The following EMCN variants were observed in gnomAD, a reference collection of about 807,000 sequenced individuals.
EMCN encodes the protein endomucin.
A neutral mutation model predicts 38.4 loss-of-function variants in EMCN; 37 were observed. That is an observed-to-expected ratio of 0.96 (90% CI 0.74 to 1.27). The LOEUF (loss-of-function observed/expected upper bound fraction) is 1.27, where lower values mean the gene tolerates loss of function less well. Among genes scored for constraint, EMCN ranks in the 50% most tolerant of loss-of-function variants. The probability of loss-of-function intolerance (pLI) is 0.00; values close to 1 mark genes in which losing one functional copy is unlikely to be tolerated. For missense variants in EMCN, 318 were observed against 302.8 expected (o/e 1.05, Z -0.37); for synonymous variants, 95 against 100.8 (o/e 0.94, Z 0.35).
intron 8 of EMCN, among the ~76,000 whole-genome samples, chr4:100,417,924 G>C (rs113318463): frequency 3.3e-5 from 5 of 152,140 alleles, no homozygotes; most frequent in African/African-American, 9.7e-5. Flanking sequence ...TGCAGCTTCT[G>C]TTTCTTAGAT....
intron 1 of EMCN, among the ~76,000 whole-genome samples, chr4:100,508,248 CT>C (rs1371354517): frequency 6.6e-6 from 1 of 152,180 alleles, no homozygotes; most frequent in Non-Finnish European, 1.5e-5. Context: ...CCCCTGGTAA[CT>C]AACCCAAGTG....
intron 2 of EMCN, among the ~76,000 whole-genome samples, chr4:100,476,545 G>T (rs894448958): frequency 6.6e-6 from 1 of 152,080 alleles, no homozygotes; most frequent in Non-Finnish European, 1.5e-5. Context: ...TATTTTTAAA[G>T]ATATTATATT....
At chr4:100,486,213 A>C (rs1728937393) in intron 1 of EMCN, among the ~76,000 whole-genome samples, 1 of 152,190 alleles carries the variant, frequency 6.6e-6, no homozygotes, top group African/African-American at 2.4e-5. Flanking sequence ...ATCAGAAATT[A>C]TTTTCTTGGA....
chr4:100,461,558 CA>C (rs1728179974), intron 4 of EMCN, among the ~76,000 whole-genome samples: 1 of 151,974 alleles, frequency 6.6e-6, no homozygotes, highest in Non-Finnish European at 1.5e-5. Context: ...AAAGTCAGAG[CA>C]CTAGATTAAT....
chr4:100,440,289 A>G (rs1727473921), intron 5 of EMCN, among the ~76,000 whole-genome samples: 1 of 151,868 alleles, frequency 6.6e-6, no homozygotes, highest in South Asian at 2.1e-4. Flanking sequence ...TTTTTGTTAC[A>G]TGGATGAATT....
intron 4 of EMCN, among the ~76,000 whole-genome samples, chr4:100,464,399 T>C (rs1027621339): frequency 2.0e-5 from 3 of 152,088 alleles, no homozygotes; most frequent in Non-Finnish European, 2.9e-5. Context: ...CATTGTTGAA[T>C]TGTACTATCT....
At chr4:100,485,000 C>T (rs529256379) in intron 1 of EMCN, among the ~76,000 whole-genome samples, 2 of 152,084 alleles carry the variant, frequency 1.3e-5, no homozygotes, top group Non-Finnish European at 1.5e-5. Flanking sequence ...ATTTACTTGC[C>T]AGTGTGCTCC....
intron 2 of EMCN, among the ~76,000 whole-genome samples, chr4:100,476,449 C>T (rs1490684275): frequency 1.3e-5 from 2 of 151,970 alleles, no homozygotes; most frequent in Admixed American, 1.3e-4. Context: ...GCACCCGGCC[C>T]CTCTTCTTTG....
chr4:100,399,750 TA>T (rs1726206138), intron 11 of EMCN, among the ~76,000 whole-genome samples: 1 of 152,152 alleles, frequency 6.6e-6, no homozygotes, highest in Non-Finnish European at 1.5e-5. Flanking sequence ...ATAAATGACT[TA>T]TTTTTTTATT....
rs547240736 is a variant in EMCN, at chr4:100,418,655, G to A, written c.665-1514C>T. On this transcript the variant is annotated intron_variant, in intron 8 of 11. Transcript: ENST00000296420. ...AAACATGGGAAGTTTGTCTTTCTGTGCCTGACTTATTTCACTTAACATAAT... is the reference window on the plus strand; with the variant it reads ...AAACATGGGAAGTTTGTCTTTCTGTACCTGACTTATTTCACTTAACATAAT... Among the ~76,000 whole-genome samples the A allele has an allele frequency of 3.9e-5, 6 of 152,176 alleles. No homozygotes were observed. The East Asian group carries it at 1.2e-3, about 29-fold the overall frequency.
chr4:100,437,560 C>A (rs1727391768), intron 5 of EMCN, among the ~76,000 whole-genome samples: 1 of 152,012 alleles, frequency 6.6e-6, no homozygotes, highest in Non-Finnish European at 1.5e-5. Context: ...AGTCTTTCAT[C>A]CATTTTCAGT....
intron 3 of EMCN, among the ~76,000 whole-genome samples, chr4:100,473,278 C>T (rs1357053476): frequency 6.7e-6 from 1 of 150,006 alleles, no homozygotes; most frequent in Non-Finnish European, 1.5e-5. Flanking sequence ...CCACACTTCT[C>T]GGCCTCCCAA....
At chr4:100,430,211 T>C (rs1727158084) in intron 5 of EMCN, among the ~76,000 whole-genome samples, 1 of 152,132 alleles carries the variant, frequency 6.6e-6, no homozygotes, top group African/African-American at 2.4e-5. Context: ...TTTTACAAAG[T>C]AGAAACTGAT....
At chr4:100,507,169 T>G (rs936318037) in intron 1 of EMCN, among the ~76,000 whole-genome samples, 7 of 152,144 alleles carry the variant, frequency 4.6e-5, no homozygotes, top group African/African-American at 1.7e-4. Flanking sequence ...AATGAAAACA[T>G]GAGGGACTTT....
intron 1 of EMCN, among the ~76,000 whole-genome samples, chr4:100,488,579 T>A (rs1207831409): frequency 6.6e-6 from 1 of 152,182 alleles, no homozygotes; most frequent in Non-Finnish European, 1.5e-5. Flanking sequence ...AATTCCTACC[T>A]GAATAAACAG....
chr4:100,507,094 A>G (rs573853335), intron 1 of EMCN, among the ~76,000 whole-genome samples: 140 of 152,316 alleles, frequency 9.2e-4, no homozygotes, highest in Non-Finnish European at 9.1e-4. Context: ...TAATAAAACT[A>G]TTTTTAAATG....
chr4:100,401,997 T>A (rs898738703), intron 11 of EMCN, among the ~76,000 whole-genome samples: 1 of 152,182 alleles, frequency 6.6e-6, no homozygotes, highest in Non-Finnish European at 1.5e-5. Flanking sequence ...ATCTTAGACA[T>A]GCTTTCATGT....
intron 3 of EMCN, among the ~76,000 whole-genome samples, 199 bp downstream of exon 3, chr4:100,474,839 G>C (rs976621649): frequency 1.1e-4 from 16 of 152,088 alleles, no homozygotes; most frequent in Admixed American, 3.9e-4. Context: ...AGCTGGGAGG[G>C]GGATATGGGA....
In EMCN at chr4:100,411,876, C is replaced by T. The variant is rs144291162; in HGVS notation, c.752-1521G>A. On this transcript the variant is annotated intron_variant, in intron 10 of 11. Coordinates refer to ENST00000296420, the MANE Select transcript of EMCN (RefSeq NM_016242.4). ...ATGCAGAGAATGAGACAAATATTGA[C>T]GGGCTGCGGACAGAAGAGGATTCTA... Among the ~76,000 whole-genome samples, 872 of 152,076 alleles carry T rather than the reference C, an allele frequency of 5.7e-3. 14 individuals are homozygous for T. Among genetic ancestry groups the T allele is most frequent in the Middle Eastern group, 0.024 (7 of 292 alleles).
Sources: gnomAD v4.1 joint callset for allele counts (sites outside exome capture counted in the v4.1 genomes callset) on GRCh38, gnomAD v4.1.1 for gene constraint, MANE v1.5 for transcripts, NCBI Gene and HGNC (gene_info 2026-07-23, HGNC 2026-07-21) for gene names.